TMEM132C: variants seen among roughly 807,000 people sequenced by gnomAD.
TMEM132C encodes the protein transmembrane protein 132C, also known as protein phosphatase 1, regulatory subunit 152.
TMEM132C carries 29 observed loss-of-function variants against 61.4 expected under a neutral mutation model. That is an observed-to-expected ratio of 0.47 (90% CI 0.35 to 0.64). TMEM132C has a LOEUF of 0.64. Ranked by LOEUF, TMEM132C falls within the 30% of genes least tolerant of loss-of-function variation. TMEM132C has a pLI of 0.00. For missense variants in TMEM132C, 1,408 were observed against 1,476.9 expected, an observed-to-expected ratio of 0.95 and a Z score of 0.76; for synonymous variants, 656 against 633.1, an observed-to-expected ratio of 1.04 and a Z score of -0.54.
intron 3 of TMEM132C, among the ~76,000 whole-genome samples, chr12:128,586,140 G>C (rs1875539091): frequency 6.6e-6 from 1 of 152,096 alleles, no homozygotes; most frequent in Non-Finnish European, 1.5e-5. Context: ...CTCTACAGTG[G>C]GAGGGGATTT....
intron 4 of TMEM132C, among the ~76,000 whole-genome samples, chr12:128,624,135 A>G (rs2135589569): frequency 6.6e-6 from 1 of 152,232 alleles, no homozygotes; most frequent in Non-Finnish European, 1.5e-5. Context: ...TAGTATAGAA[A>G]TTGGGCGCTC....
chr12:128,667,197 G>C (rs1954487317), intron 4 of TMEM132C, among the ~76,000 whole-genome samples: 1 of 152,072 alleles, frequency 6.6e-6, no homozygotes, highest in Non-Finnish European at 1.5e-5. Context: ...GTGTTAGGTA[G>C]AGTGTGTGAA....
At chr12:128,351,141 C>A (rs1009489938) in intron 1 of TMEM132C, among the ~76,000 whole-genome samples, 1 of 152,158 alleles carries the variant, frequency 6.6e-6, no homozygotes, top group Admixed American at 6.5e-5. Context: ...AAGCCGTTTT[C>A]ATACCCCATA....
chr12:128,682,961 G>A (rs1283937174), intron 5 of TMEM132C, among the ~76,000 whole-genome samples: 1 of 152,156 alleles, frequency 6.6e-6, no homozygotes, highest in Non-Finnish European at 1.5e-5. Flanking sequence ...TTCTCTGCCT[G>A]CATCTTCACA....
At chr12:128,622,360 AATAT>A (rs767066742) in intron 4 of TMEM132C, among the ~76,000 whole-genome samples, 50 of 30,066 alleles carry the variant, frequency 1.7e-3, no homozygotes, top group African/African-American at 4.5e-3. Context: ...AAAAAAAAAA[AATAT>A]ATATATATAT....
rs371355482 is a variant in TMEM132C at position 128,623,807 on chromosome 12, C to CA, written c.1305+7483dup. On this transcript the variant is annotated intron_variant, in intron 4 of 8. Coordinates refer to ENST00000435159, the MANE Select transcript of TMEM132C (RefSeq NM_001136103.3). ...TTGGCGACAGAGCAAGATTCTGTCT[C>CA]AAAAAAAAAAATGATGATATAACTT... Among the ~76,000 whole-genome samples the CA allele has an allele frequency of 9.0e-3, 1,164 of 129,296 alleles. 12 individuals are homozygous for CA. The highest frequency in any genetic ancestry group is 0.029 in the African/African-American group (1,009 of 35,240). The allele number at this position is 129,296 out of a possible 152,430, so 84.8% of individuals were successfully genotyped here. A position where few individuals can be genotyped will look rare whatever the true frequency, so the allele number is the denominator to read the frequency against.
chr12:128,610,015 C>G (rs565844382), intron 3 of TMEM132C, among the ~76,000 whole-genome samples: 2 of 152,350 alleles, frequency 1.3e-5, no homozygotes, highest in African/African-American at 4.8e-5. Context: ...TTTTCTGTTG[C>G]TTGCAACTTG....
At chr12:128,539,080 T>C (rs1483305614) in intron 2 of TMEM132C, among the ~76,000 whole-genome samples, 1 of 152,186 alleles carries the variant, frequency 6.6e-6, no homozygotes, top group African/African-American at 2.4e-5. Context: ...TTGAACATCA[T>C]GTTTATTAAG....
At chr12:128,338,255 G>A (rs561872261) in intron 1 of TMEM132C, among the ~76,000 whole-genome samples, 4 of 152,256 alleles carry the variant, frequency 2.6e-5, no homozygotes, top group African/African-American at 9.6e-5. Context: ...CAGAGAGTGG[G>A]AAATTACTAG....
rs1566020644 is a variant in TMEM132C at position 128,705,636 on chromosome 12, A to C, written c.2668A>C (p.Ile890Leu). The C allele has an allele frequency of 6.4e-7, 1 of 1,550,982 alleles. No homozygotes were observed. The highest frequency in any genetic ancestry group is 2.0e-5 in the Admixed American group (1 of 50,988). The change falls in exon 9 of 9, where the codon ATT (isoleucine) becomes CTT (leucine). Residue 890 changes from isoleucine to leucine, a missense_variant. By Grantham distance (5) the Ile-to-Leu change is conservative (BLOSUM62 2). Coordinates refer to ENST00000435159, the MANE Select transcript of TMEM132C (RefSeq NM_001136103.3). ...AGEGQLQNIP[I>L]DFTNFPAHVD... ...AGAGGGGCAGCTGCAGAACATCCCC[A>C]TTGACTTCACCAACTTCCCTGCCCA...
At chr12:128,452,440 C>G (rs1870204942) in intron 2 of TMEM132C, among the ~76,000 whole-genome samples, 1 of 144,930 alleles carries the variant, frequency 6.9e-6, no homozygotes. Flanking sequence ...GCAATGTGGG[C>G]TGGGCATGGT....
chr12:128,546,804 A>G (rs1019210076), intron 3 of TMEM132C, among the ~76,000 whole-genome samples: 25 of 152,342 alleles, frequency 1.6e-4, no homozygotes, highest in African/African-American at 5.8e-4. Flanking sequence ...ATCATCACCC[A>G]TATCAAAACC....
intron 1 of TMEM132C, among the ~76,000 whole-genome samples, chr12:128,304,042 C>T (rs1054028464): frequency 9.2e-5 from 14 of 151,994 alleles, no homozygotes; most frequent in African/African-American, 9.7e-5. Context: ...TGAGCTAAAT[C>T]GATGGCTATT....
intron 1 of TMEM132C, among the ~76,000 whole-genome samples, chr12:128,275,696 G>A (rs1285169516): frequency 3.9e-5 from 6 of 152,106 alleles, no homozygotes; most frequent in Admixed American, 3.9e-4. Context: ...GCTAAGAAGG[G>A]ATAATATCTA....
At chr12:128,378,231 T>C (rs945356782) in intron 1 of TMEM132C, among the ~76,000 whole-genome samples, 7 of 151,976 alleles carry the variant, frequency 4.6e-5, no homozygotes, top group East Asian at 1.9e-4. Context: ...TCTCCTGCCT[T>C]AGCCTCCCGA....
chr12:128,308,719 G>A (rs1425519249), intron 1 of TMEM132C, among the ~76,000 whole-genome samples: 1 of 152,118 alleles, frequency 6.6e-6, no homozygotes, highest in Non-Finnish European at 1.5e-5. Flanking sequence ...TCTTCTGGGG[G>A]GAGCTGACCT....
At chr12:128,554,971 A>G (rs1874285740) in intron 3 of TMEM132C, among the ~76,000 whole-genome samples, 1 of 152,008 alleles carries the variant, frequency 6.6e-6, no homozygotes. Flanking sequence ...GGATCCACAC[A>G]CTTCCATAGA....
At chr12:128,330,097 G>C (rs60582985) in intron 1 of TMEM132C, among the ~76,000 whole-genome samples, 7,109 of 152,288 alleles carry the variant, frequency 0.047, 580 homozygotes, top group African/African-American at 0.16. Flanking sequence ...GATGAAGCCA[G>C]TGAGTAGAAG....
intron 2 of TMEM132C, among the ~76,000 whole-genome samples, chr12:128,485,049 G>A (rs953862845): frequency 6.6e-6 from 1 of 152,058 alleles, no homozygotes; most frequent in Non-Finnish European, 1.5e-5. Context: ...AGAGGTGAGC[G>A]CCCCAAGAAA....
Sources: gnomAD v4.1 joint callset for allele counts (sites outside exome capture counted in the v4.1 genomes callset) on GRCh38, gnomAD v4.1.1 for gene constraint, MANE v1.5 for transcripts, NCBI Gene and HGNC (gene_info 2026-07-23, HGNC 2026-07-21) for gene names.